The following CFAP100 variants were observed in gnomAD, a reference collection of about 807,000 sequenced individuals.
CFAP100 encodes cilia- and flagella-associated protein 100.
CFAP100 carries 70 observed loss-of-function variants against 81.5 expected under a neutral mutation model. The ratio of observed to expected loss-of-function variants is 0.86; its 90% CI spans 0.71 to 1.05. The LOEUF is 1.05. CFAP100 is among the 50% of genes least tolerant of loss of function. The pLI, the probability that CFAP100 is intolerant of heterozygous loss-of-function variation, is 0.00. For missense variants in CFAP100, 811 were observed against 776.5 expected (o/e 1.04, Z -0.53); for synonymous variants, 341 against 314.8 (o/e 1.08, Z -0.88).
chr3:126,429,465 C>T (rs1042747244), intron 13 of CFAP100, among the ~76,000 whole-genome samples: 2 of 152,038 alleles, frequency 1.3e-5, no homozygotes, highest in African/African-American at 4.8e-5. Context: ...TCTATTTTGT[C>T]TATATTACTG....
chr3:126,401,731 G>T (rs2082986782), intron 2 of CFAP100, among the ~76,000 whole-genome samples: 1 of 151,996 alleles, frequency 6.6e-6, no homozygotes, highest in South Asian at 2.1e-4. Flanking sequence ...GTGCCCAGCT[G>T]CAGGGGAGGA....
At chr3:126,398,416 T>C (rs2082922386) in intron 2 of CFAP100, among the ~76,000 whole-genome samples, 1 of 152,174 alleles carries the variant, frequency 6.6e-6, no homozygotes, top group Non-Finnish European at 1.5e-5. Context: ...AGGCTCCAGG[T>C]ACAAGACTCC....
At chr3:126,418,035 GC>G in intron 5 of CFAP100, 1 of 173,790 alleles carries the variant, frequency 5.8e-6, no homozygotes, top group Non-Finnish European at 1.2e-5. Context: ...TGCCCAGTTT[GC>G]TCGGGGGGCT....
chr3:126,419,153 A>G lies in CFAP100; in HGVS notation c.728A>G (p.Lys243Arg), dbSNP rs772180911. The change falls in exon 8 of 17, where the codon AAA becomes AGA. Residue 243 changes from lysine to arginine, a missense_variant. Lys to Arg is a conservative substitution (Grantham distance 26, BLOSUM62 2). Transcript: ENST00000352312. ...CTCACCACCCAGATTGTTAATATCA[A>G]AAGGTGAGGTCAGAGGGCATGCTGG... ...RDLTTQIVNIKSEISRFEDTL... is the reference protein window; with the variant it reads ...RDLTTQIVNIRSEISRFEDTL... The G allele has an allele frequency of 1.7e-5, 27 of 1,563,956 alleles. No homozygotes were observed. The highest frequency in any genetic ancestry group is 5.5e-5 in the Admixed American group (3 of 54,094).
At chr3:126,410,671 A>C (rs927749381) in intron 3 of CFAP100, among the ~76,000 whole-genome samples, 4 of 151,798 alleles carry the variant, frequency 2.6e-5, no homozygotes, top group African/African-American at 7.3e-5. Context: ...CAGCCTTTTT[A>C]TTTCTTTTTC....
At chr3:126,397,535 G>A (rs2082907660) in intron 2 of CFAP100, among the ~76,000 whole-genome samples, 1 of 152,252 alleles carries the variant, frequency 6.6e-6, no homozygotes, top group East Asian at 1.9e-4. Flanking sequence ...TTATTGGTAT[G>A]AGGGGGAGTG....
At chr3:126,412,495 G>A (rs2083174874) in intron 3 of CFAP100, among the ~76,000 whole-genome samples, 1 of 152,056 alleles carries the variant, frequency 6.6e-6, no homozygotes, top group African/African-American at 2.4e-5. Context: ...ATTCCTACTT[G>A]CTAAGAGTTT....
intron 8 of CFAP100, 23 bp downstream of exon 8, chr3:126,419,179 C>T (rs771140576): frequency 1.2e-5 from 18 of 1,486,542 alleles, no homozygotes; most frequent in Admixed American, 4.2e-5. Flanking sequence ...GGCATGCTGG[C>T]CATTGGCTGG....
At chr3:126,419,958 G>A in intron 9 of CFAP100, 22 bp from the exon 10 acceptor site, 1 of 1,612,794 alleles carries the variant, frequency 6.2e-7, no homozygotes. Flanking sequence ...GGCCATCGGG[G>A]CCCCCCCTTT....
Position 126,423,598 on chromosome 3 carries a change from A to C in CFAP100, c.1240A>C (p.Thr414Pro). The change falls in exon 13 of 17, where the codon ACC becomes CCC. Residue 414 changes from threonine (T) to proline (P), a missense_variant. Thr to Pro is a conservative substitution (Grantham distance 38). Transcript: ENST00000352312. ...CCAGAACAGCCAGGAGACGGAGAAG[A>C]CCCTGGAGGAGCTGAGCCACACCCT... The part of the protein sequence containing the change: ...LIQNSQETEK[T>P]LEELSHTLKH... The C allele has an allele frequency of 6.2e-7, 1 of 1,614,014 alleles. No homozygotes were observed. Among genetic ancestry groups the C allele is most frequent in the Non-Finnish European group, 8.5e-7 (1 of 1,179,936 alleles).
At position 126,436,525 on chromosome 3, in the gene CFAP100, T is replaced by C; in HGVS notation, c.*121T>C. On this transcript the variant is annotated 3_prime_UTR_variant, in exon 17 of 17. Transcript: ENST00000352312. ...CCTCTCTGTCTCCTGTGTGCTCCCT[T>C]CCTCACCTGAATAAATTCATGTCTC... The C allele has an allele frequency of 1.5e-6, 1 of 674,206 alleles. No homozygotes were observed. The highest frequency in any genetic ancestry group is 2.7e-5 in the East Asian group (1 of 36,446). The allele number at this position is 674,206 out of a possible 1,614,324, so 41.8% of individuals were successfully genotyped here.
At chr3:126,423,450 GCT>G (rs1354360593) in intron 12 of CFAP100, 41 bp from the exon 13 acceptor site, 1 of 1,612,002 alleles carries the variant, frequency 6.2e-7, no homozygotes, top group Admixed American at 1.7e-5. Context: ...TGCCCCTCTG[GCT>G]CTGTCCCTGT....
intron 2 of CFAP100, among the ~76,000 whole-genome samples, chr3:126,401,853 C>T (rs2082989213): frequency 6.6e-6 from 1 of 152,144 alleles, no homozygotes; most frequent in Non-Finnish European, 1.5e-5. Context: ...TCCCCAGGCT[C>T]ACACCCTGCC....
intron 2 of CFAP100, among the ~76,000 whole-genome samples, chr3:126,403,370 G>A (rs1377726400): frequency 6.8e-6 from 1 of 147,814 alleles, no homozygotes; most frequent in East Asian, 2.0e-4. Context: ...GTGCCCAGTC[G>A]AGTGTATTTT....
At chr3:126,401,426 T>TATATAC (rs2082980036) in intron 2 of CFAP100, among the ~76,000 whole-genome samples, 1 of 115,466 alleles carries the variant, frequency 8.7e-6, no homozygotes, top group South Asian at 3.0e-4. Flanking sequence ...TATATATATA[T>TATATAC]ATATATATAT....
chr3:126,404,036 A>G (rs1432664706), intron 2 of CFAP100, among the ~76,000 whole-genome samples: 1 of 152,272 alleles, frequency 6.6e-6, no homozygotes, highest in East Asian at 1.9e-4. Flanking sequence ...AAGGTTCTCA[A>G]GAATCGTCTA....
chr3:126,395,914 C>T, intron 1 of CFAP100, 28 bp from the exon 2 acceptor site: 1 of 1,179,148 alleles, frequency 8.5e-7, no homozygotes, highest in Non-Finnish European at 1.3e-6. Context: ...TGGGGACCAC[C>T]AGGCTCAAGC....
At chr3:126,416,669 G>C (rs1008585450) in intron 5 of CFAP100, 161 bp downstream of exon 5, 67 of 594,538 alleles carry the variant, frequency 1.1e-4, no homozygotes, top group Non-Finnish European at 1.6e-4. Flanking sequence ...GCCTCTCCAG[G>C]GGGGTCCCAA....
At chr3:126,436,236 T>G in intron 16 of CFAP100, 55 bp from the exon 17 acceptor site, 1 of 1,403,022 alleles carries the variant, frequency 7.1e-7, no homozygotes, top group Non-Finnish European at 1.0e-6. Context: ...GGCAGGGGTA[T>G]ATGGGCATAC....
Sources: gnomAD v4.1 joint callset for allele counts (sites outside exome capture counted in the v4.1 genomes callset) on GRCh38, gnomAD v4.1.1 for gene constraint, MANE v1.5 for transcripts, NCBI Gene and HGNC (gene_info 2026-07-23, HGNC 2026-07-21) for gene names.